The following TPM1 variants were observed in gnomAD, a reference collection of about 807,000 sequenced individuals.
TPM1 encodes tropomyosin alpha-1 chain.
Under a neutral mutation model 42.9 loss-of-function variants are expected in TPM1, and 24 were observed. The ratio of observed to expected loss-of-function variants is 0.56; its 90% CI spans 0.41 to 0.79. TPM1 has a LOEUF of 0.79. TPM1 is among the 30% of genes least tolerant of loss of function. The pLI, the probability that TPM1 is intolerant of heterozygous loss-of-function variation, is 0.00. For missense variants in TPM1, 158 were observed against 351.8 expected (o/e 0.45, Z 4.41); for synonymous variants, 136 against 130.1 (o/e 1.05, Z -0.31).
intron 3 of TPM1, 69 bp from the exon 4 acceptor site, chr15:63,059,494 A>C: frequency 8.0e-7 from 1 of 1,249,436 alleles, no homozygotes; most frequent in African/African-American, 1.5e-5. Flanking sequence ...CACAAGCCAC[A>C]GCAGTGCAGT....
intron 4 of TPM1, among the ~76,000 whole-genome samples, chr15:63,060,635 T>C (rs79297374): frequency 1.3e-5 from 2 of 152,196 alleles, no homozygotes; most frequent in African/African-American, 2.4e-5. Flanking sequence ...AGACTTCCAA[T>C]TGAGACTGCC....
intron 7 of TPM1, 132 bp downstream of exon 7, chr15:63,062,409 ATGTACTGT>A: frequency 4.8e-6 from 6 of 1,263,030 alleles, no homozygotes; most frequent in Non-Finnish European, 6.9e-6. Flanking sequence ...CTTGGAGTTT[ATGTACTGT>A]GCTAACTGCC....
chr15:63,056,887 C>A, intron 2 of TPM1, 98 bp from the exon 3 acceptor site: 1 of 1,544,640 alleles, frequency 6.5e-7, no homozygotes, highest in Non-Finnish European at 8.9e-7. Flanking sequence ...ACAAGACAGT[C>A]TTCCTATCTG....
intron 1 of TPM1, 98 bp downstream of exon 1, chr15:63,043,041 C>G: frequency 1.8e-6 from 2 of 1,083,716 alleles, no homozygotes; most frequent in Non-Finnish European, 2.8e-6. Flanking sequence ...GGGGAGCCAC[C>G]ACCCTACCCC....
intron 2 of TPM1, chr15:63,048,273 G>A (rs2032873262): frequency 8.5e-6 from 5 of 586,910 alleles, no homozygotes; most frequent in African/African-American, 1.9e-5. Flanking sequence ...AGGTACCCCC[G>A]CAGCGCGCCG....
At chr15:63,066,576 A>G (rs575969535), downstream of TPM1, among the ~76,000 whole-genome samples, 54 of 152,346 alleles carry the variant, frequency 3.5e-4, no homozygotes, top group African/African-American at 1.2e-3. Flanking sequence ...TAGCTGTCCC[A>G]TATTACTAGG....
At chr15:63,062,026 G>C (rs943400630) in intron 6 of TPM1, 189 bp from the exon 7 acceptor site, 2 of 692,148 alleles carry the variant, frequency 2.9e-6, no homozygotes, top group Non-Finnish European at 5.1e-6. Context: ...TTATCTTGTT[G>C]TTATCCCATG....
intron 2 of TPM1, chr15:63,048,816 C>T (rs1293996871): frequency 6.9e-7 from 1 of 1,443,452 alleles, no homozygotes; most frequent in Non-Finnish European, 9.4e-7. Flanking sequence ...CTCGTCCCCA[C>T]GCCTCCAGGG....
chr15:63,053,236 T>C (rs1035555022), intron 2 of TPM1, among the ~76,000 whole-genome samples: 3 of 152,228 alleles, frequency 2.0e-5, no homozygotes, highest in African/African-American at 7.2e-5. Flanking sequence ...GCAGATGATT[T>C]GCATTGCAGC....
intron 6 of TPM1, 40 bp downstream of exon 6, chr15:63,061,828 A>G (rs2035679423): frequency 6.3e-7 from 1 of 1,586,478 alleles, no homozygotes; most frequent in African/African-American, 1.3e-5. Context: ...GCATCTTTTA[A>G]GAGCTGCTCA....
intron 9 of TPM1, chr15:63,065,641 A>G (rs2036194885): frequency 1.0e-6 from 1 of 984,966 alleles, no homozygotes; most frequent in African/African-American, 1.7e-5. Flanking sequence ...AGACGAGTGT[A>G]GCTTAAAATT....
At chr15:63,054,125 G>A (rs1338475889) in intron 2 of TPM1, among the ~76,000 whole-genome samples, 1 of 152,100 alleles carries the variant, frequency 6.6e-6, no homozygotes, top group African/African-American at 2.4e-5. Context: ...CCTCAGGAAG[G>A]GGCAGCCACT....
intron 2 of TPM1, among the ~76,000 whole-genome samples, chr15:63,052,130 G>GTCCA (rs1407675138): frequency 1.1e-3 from 55 of 47,996 alleles, no homozygotes; most frequent in African/African-American, 4.1e-3. Flanking sequence ...TTTTTGAGTA[G>GTCCA]TTCATTGTTA....
intron 2 of TPM1, chr15:63,056,546 A>AG (rs764489565): frequency 0.12 from 25,984 of 218,514 alleles, 1,979 homozygotes; most frequent in Admixed American, 0.25. Flanking sequence ...GGGCGCCTGT[A>AG]GTCCCAACTA....
Position 63,042,828 on chromosome 15 carries a change from C to T in TPM1, c.-2C>T. 4 of 1,612,620 alleles carry T rather than the reference C, an allele frequency of 2.5e-6. No homozygotes were observed. Among genetic ancestry groups the T allele is most frequent in the South Asian group, 1.1e-5 (1 of 91,062 alleles). On this transcript the variant is annotated 5_prime_UTR_variant, in exon 1 of 10. Transcript: ENST00000403994. ...GCCCCAGGGCCCCTCGCCGCCGCCA[C>T]CATGGACGCCATCAAGAAGAAGATG...
chr15:63,049,051 G>A, intron 2 of TPM1: 2 of 319,314 alleles, frequency 6.3e-6, no homozygotes, highest in Non-Finnish European at 1.2e-5. Context: ...ACTTTGCGCT[G>A]CTGGCTTGCT....
At chr15:63,070,887 C>A (rs58853216), downstream of TPM1, 369 of 1,362,238 alleles carry the variant, frequency 2.7e-4, no homozygotes, top group African/African-American at 5.0e-3. Context: ...CTGTGAGAAT[C>A]CGTGCCATGG....
intron 2 of TPM1, chr15:63,048,642 G>T (rs142657113): frequency 1.3e-6 from 2 of 1,536,452 alleles, no homozygotes; most frequent in Non-Finnish European, 8.8e-7. Flanking sequence ...GCAGGCGGAC[G>T]CCGCTGAGGA....
At chr15:63,048,342 T>A in intron 2 of TPM1, 1 of 1,134,242 alleles carries the variant, frequency 8.8e-7, no homozygotes, top group South Asian at 1.7e-5. Flanking sequence ...AGTCCCGGGA[T>A]CCACGGCGCG....
Sources: allele counts gnomAD v4.1 joint callset (sites outside exome capture counted in the v4.1 genomes callset), GRCh38; gene constraint gnomAD v4.1.1; transcripts MANE v1.5; gene names NCBI Gene and HGNC (gene_info 2026-07-23, HGNC 2026-07-21).